KCNIP4: variants seen among roughly 807,000 people sequenced by gnomAD.
The protein encoded by KCNIP4 is potassium voltage-gated channel interacting protein 4, also known as Kv channel-interacting protein 4.
A neutral mutation model predicts 34.0 loss-of-function variants in KCNIP4; 12 were observed. That is an observed-to-expected ratio of 0.35 (90% CI 0.23 to 0.57). The LOEUF is 0.57. Ranked by LOEUF, KCNIP4 falls within the 20% of genes least tolerant of loss-of-function variation. The pLI is 0.83. For synonymous variants in KCNIP4, 124 were observed against 102.2 expected (o/e 1.21, Z -1.29); for missense variants, 238 against 311.7 (o/e 0.76, Z 1.78).
chr4:21,603,368 G>A (rs1456632270), intron 1 of KCNIP4, among the ~76,000 whole-genome samples: 1 of 152,090 alleles, frequency 6.6e-6, no homozygotes, highest in Non-Finnish European at 1.5e-5. Flanking sequence ...AGAAAAAGAG[G>A]AGGAAGAGGA....
intron 1 of KCNIP4, among the ~76,000 whole-genome samples, chr4:21,793,561 C>T (rs1016224209): frequency 1.3e-5 from 2 of 151,992 alleles, no homozygotes; most frequent in African/African-American, 4.8e-5. Context: ...ACCGGCCTGA[C>T]AAGTAGTTTT....
At chr4:21,692,178 AGGCTTTAACC>A (rs1379525410) in intron 1 of KCNIP4, among the ~76,000 whole-genome samples, 10 of 152,340 alleles carry the variant, frequency 6.6e-5, no homozygotes, top group African/African-American at 2.4e-4. Context: ...TTTGGGAAAG[AGGCTTTAACC>A]CTGCAAGCTT....
At chr4:21,517,242 T>A (rs1734841559) in intron 1 of KCNIP4, among the ~76,000 whole-genome samples, 2 of 152,064 alleles carry the variant, frequency 1.3e-5, no homozygotes, top group African/African-American at 4.8e-5. Flanking sequence ...AACAACCACG[T>A]CAGAGTGGGA....
chr4:21,922,649 ATGAGTAAGTACAATATAAAC>A (rs1728999464), intron 1 of KCNIP4, among the ~76,000 whole-genome samples: 1 of 152,184 alleles, frequency 6.6e-6, no homozygotes, highest in African/African-American at 2.4e-5. Context: ...TGGCATGAAA[ATGAGTAAGTACAATATAAAC>A]TGAGATCAAT....
At position 20,911,449 on chromosome 4, in the gene KCNIP4, A is replaced by C. The variant is rs1577354398; in HGVS notation, c.62-28740T>G. ...AGAAATAGATTGGCTTTACTGTACCATGTCTAGTGGCTTGAGATGGGTTAA... is the reference window on the plus strand; with the variant it reads ...AGAAATAGATTGGCTTTACTGTACCCTGTCTAGTGGCTTGAGATGGGTTAA... On this transcript the variant is annotated intron_variant, in intron 1 of 8. Transcript: ENST00000382152. 4.6e-5 allele frequency among the ~76,000 whole-genome samples: 7 copies of C among 152,302 alleles called. No homozygotes were observed. The South Asian group carries it at 1.4e-3, about 32-fold the overall frequency.
intron 1 of KCNIP4, among the ~76,000 whole-genome samples, chr4:21,692,827 A>ATTTTTTTTTTTTT (rs35231092): frequency 1.1e-5 from 1 of 87,250 alleles, no homozygotes; most frequent in African/African-American, 4.5e-5. Context: ...AAATCCTGTC[A>ATTTTTTTTTTTTT]TTTTTTTTTT....
At chr4:21,686,109 T>A (rs1177906618) in intron 1 of KCNIP4, among the ~76,000 whole-genome samples, 1 of 152,196 alleles carries the variant, frequency 6.6e-6, no homozygotes, top group Non-Finnish European at 1.5e-5. Context: ...GCTCTATGTA[T>A]CTTAACATGT....
At chr4:21,470,766 T>A (rs942112826) in intron 1 of KCNIP4, among the ~76,000 whole-genome samples, 3 of 152,072 alleles carry the variant, frequency 2.0e-5, no homozygotes, top group Non-Finnish European at 2.9e-5. Flanking sequence ...AAGCAGTTAG[T>A]TACAAGAGAA....
rs112832857 is a variant in KCNIP4 at position 21,726,404 on chromosome 4, C to T, written c.61+222167G>A. On this transcript the variant is annotated intron_variant, in intron 1 of 8. Coordinates refer to ENST00000382152, the MANE Select transcript of KCNIP4 (RefSeq NM_025221.6). ...ATATGAAACACTAAATGTGAAAGTG[C>T]CTAGGCATAAAGATAAGTCTCACGT... 8.7e-3 allele frequency among the ~76,000 whole-genome samples: 1,331 copies of T among 152,204 alleles called. 19 individuals are homozygous for T. The highest frequency in any genetic ancestry group is 0.039 in the South Asian group (187 of 4,812).
intron 1 of KCNIP4, among the ~76,000 whole-genome samples, chr4:21,527,919 C>T (rs1381633841): frequency 1.3e-5 from 2 of 152,014 alleles, no homozygotes; most frequent in African/African-American, 4.8e-5. Context: ...TTGCTGTTCC[C>T]GTAAGGAATC....
At chr4:21,740,114 A>G (rs1716293406) in intron 1 of KCNIP4, among the ~76,000 whole-genome samples, 1 of 152,126 alleles carries the variant, frequency 6.6e-6, no homozygotes, top group South Asian at 2.1e-4. Flanking sequence ...ATATGTATAC[A>G]AAAGAATATA....
intron 1 of KCNIP4, among the ~76,000 whole-genome samples, chr4:21,492,539 G>A (rs1051992397): frequency 1.3e-5 from 2 of 152,106 alleles, no homozygotes; most frequent in Non-Finnish European, 1.5e-5. Flanking sequence ...ATCATTATTG[G>A]TTATGCATTA....
chr4:20,758,800 C>T (rs767036469), intron 4 of KCNIP4, 21 bp downstream of exon 4: 2 of 1,588,820 alleles, frequency 1.3e-6, no homozygotes, highest in South Asian at 1.1e-5. Flanking sequence ...AGTATGTTAA[C>T]AAGTCCACAT....
chr4:21,328,429 C>T (rs1185274835), intron 1 of KCNIP4, among the ~76,000 whole-genome samples: 3 of 152,184 alleles, frequency 2.0e-5, no homozygotes, highest in Non-Finnish European at 4.4e-5. Context: ...AACAGAGTCA[C>T]TCTTTGTGTG....
At chr4:21,695,496 C>T (rs4621420) in intron 1 of KCNIP4, among the ~76,000 whole-genome samples, 68,669 of 151,652 alleles carry the variant, frequency 0.45, 18,646 homozygotes, top group Non-Finnish European at 0.61. Flanking sequence ...TTTCCAAATA[C>T]GCATTGAATA....
chr4:21,188,381 G>T (rs1755393381), intron 1 of KCNIP4, among the ~76,000 whole-genome samples: 1 of 152,068 alleles, frequency 6.6e-6, no homozygotes, highest in Admixed American at 6.5e-5. Context: ...AAGTCCCAAA[G>T]AAGCAATCTA....
chr4:21,113,455 TAAAAAAA>T (rs56676152), intron 1 of KCNIP4, among the ~76,000 whole-genome samples: 4 of 62,382 alleles, frequency 6.4e-5, no homozygotes, highest in African/African-American at 2.1e-4. Flanking sequence ...TCTATAAGTT[TAAAAAAA>T]AAAAAAAAAA....
intron 1 of KCNIP4, among the ~76,000 whole-genome samples, chr4:21,313,317 A>G (rs1417919779): frequency 6.6e-6 from 1 of 152,184 alleles, no homozygotes; most frequent in Non-Finnish European, 1.5e-5. Flanking sequence ...ATTACAGCTG[A>G]CATGCTGTAC....
At chr4:21,346,899 CA>C (rs1717488482) in intron 1 of KCNIP4, among the ~76,000 whole-genome samples, 1 of 152,126 alleles carries the variant, frequency 6.6e-6, no homozygotes. Flanking sequence ...TTGCTACGAT[CA>C]AACCACCAAA....
Sources: allele counts gnomAD v4.1 joint callset (sites outside exome capture counted in the v4.1 genomes callset), GRCh38; gene constraint gnomAD v4.1.1; transcripts MANE v1.5; gene names NCBI Gene and HGNC (gene_info 2026-07-23, HGNC 2026-07-21).